The following RBMS3 variants were observed in gnomAD, a reference collection of about 807,000 sequenced individuals.
RBMS3 encodes RNA-binding motif, single-stranded-interacting protein 3.
In RBMS3, 27 loss-of-function variants were observed where a neutral mutation model predicts 66.8. The ratio of observed to expected loss-of-function variants is 0.40; its 90% CI spans 0.30 to 0.56. The LOEUF is 0.56. Ranked by LOEUF, RBMS3 falls within the 20% of genes least tolerant of loss-of-function variation. RBMS3 has a pLI of 0.40. For synonymous variants in RBMS3, 188 were observed against 183.0 expected, an observed-to-expected ratio of 1.03 and a Z score of -0.22; for missense variants, 513 against 549.5, an observed-to-expected ratio of 0.93 and a Z score of 0.66.
chr3:29,293,651 G>A (rs144836819), intron 1 of RBMS3, among the ~76,000 whole-genome samples: 17 of 151,702 alleles, frequency 1.1e-4, no homozygotes, highest in African/African-American at 4.1e-4. Context: ...ATGCAACCTT[G>A]CTTTAACATT....
chr3:29,604,813 T>C (rs1160685091), intron 4 of RBMS3, among the ~76,000 whole-genome samples: 1 of 151,964 alleles, frequency 6.6e-6, no homozygotes. Context: ...TTAGTGATCA[T>C]TAGTTTTCCT....
chr3:29,990,065 T>TTGAACCAGTGATTA (rs1698727510), intron 13 of RBMS3, among the ~76,000 whole-genome samples: 2 of 152,158 alleles, frequency 1.3e-5, no homozygotes, highest in South Asian at 4.1e-4. Flanking sequence ...ATATATTGCC[T>TTGAACCAGTGATTA]TGAACCAGTG....
intron 1 of RBMS3, among the ~76,000 whole-genome samples, chr3:29,292,981 G>A (rs2032944861): frequency 6.6e-6 from 1 of 151,814 alleles, no homozygotes; most frequent in Non-Finnish European, 1.5e-5. Context: ...TGGTCTCTTA[G>A]GAAGAAAATT....
At position 29,728,970 on chromosome 3, in the gene RBMS3, T is replaced by C. The variant is rs554295217; in HGVS notation, c.400-10750T>C. On this transcript the variant is annotated intron_variant, in intron 4 of 14. Transcript: ENST00000383767. ...GTATCAAAGTTGTGGCTTTTCACTTTATGTGTTAAATATATATATATATTT... is the reference window on the plus strand; with the variant it reads ...GTATCAAAGTTGTGGCTTTTCACTTCATGTGTTAAATATATATATATATTT... Among the ~76,000 whole-genome samples the C allele has an allele frequency of 4.1e-4, 62 of 152,184 alleles. No individual in the cohort carries two copies. The East Asian group carries it at 0.01, about 25-fold the overall frequency.
intron 6 of RBMS3, among the ~76,000 whole-genome samples, chr3:29,864,970 A>AAGGG (rs540883373): frequency 1.0e-5 from 1 of 96,476 alleles, no homozygotes; most frequent in Non-Finnish European, 1.9e-5. Flanking sequence ...GAAAGGAAGG[A>AAGGG]AGGGAGGGAG....
At chr3:29,432,208 T>A (rs1356973845) in intron 1 of RBMS3, among the ~76,000 whole-genome samples, 2 of 152,202 alleles carry the variant, frequency 1.3e-5, no homozygotes, top group Non-Finnish European at 2.9e-5. Flanking sequence ...TTTTGGTGGC[T>A]GACTGTATTC....
chr3:29,397,249 G>C (rs952615307), intron 1 of RBMS3, among the ~76,000 whole-genome samples: 1 of 152,094 alleles, frequency 6.6e-6, no homozygotes, highest in Non-Finnish European at 1.5e-5. Flanking sequence ...TATTCATTGA[G>C]CTTCTGGATA....
intron 2 of RBMS3, among the ~76,000 whole-genome samples, chr3:29,461,494 T>C (rs2042367913): frequency 1.3e-5 from 2 of 152,340 alleles, no homozygotes. Context: ...GTTTACAAAC[T>C]GTTAACAATT....
At chr3:29,288,395 G>A (rs952032725) in intron 1 of RBMS3, among the ~76,000 whole-genome samples, 3 of 151,956 alleles carry the variant, frequency 2.0e-5, no homozygotes, top group Non-Finnish European at 2.9e-5. Flanking sequence ...AGAGAAACAC[G>A]TCCATCACTT....
Position 29,281,406 on chromosome 3 carries a change from T to C in RBMS3, c.-276T>C, listed in dbSNP as rs2031760458. 4.1e-6 allele frequency: 2 copies of C among 487,192 alleles called. No homozygotes were observed. Among genetic ancestry groups the C allele is most frequent in the Non-Finnish European group, 7.2e-6 (2 of 277,714 alleles). 30.2% of individuals were successfully genotyped at this position (487,192 alleles called of 1,614,324 possible). On this transcript the variant is annotated 5_prime_UTR_variant, in exon 1 of 15. Transcript: ENST00000383767. ...CTCATCCCAAGTGGACCCCGGCAGCTGGGGGAAGCCAGGCAAGATCTGGGA... is the reference window on the plus strand; with the variant it reads ...CTCATCCCAAGTGGACCCCGGCAGCCGGGGGAAGCCAGGCAAGATCTGGGA...
intron 1 of RBMS3, among the ~76,000 whole-genome samples, chr3:29,376,660 C>T (rs1161377638): frequency 6.6e-6 from 1 of 152,178 alleles, no homozygotes; most frequent in African/African-American, 2.4e-5. Context: ...GTAATCCCAG[C>T]ACTTTGGGAG....
In RBMS3 at chr3:29,715,621, G is replaced by A. The variant is rs2053361451; in HGVS notation, c.400-24099G>A. ...TGGAGAACTCCCTTGTATGTTCAAT[G>A]TGAAACCACCTTGATCTCCTTTGCC... On this transcript the variant is annotated intron_variant, in intron 4 of 14. Coordinates refer to ENST00000383767, the MANE Select transcript of RBMS3 (RefSeq NM_001003793.3). Among the ~76,000 whole-genome samples the A allele has an allele frequency of 2.6e-5, 4 of 152,194 alleles. No homozygotes were observed. In the South Asian group the frequency reaches 8.3e-4, roughly 32 times the overall value.
chr3:29,567,284 A>G (rs1367885307), intron 3 of RBMS3, among the ~76,000 whole-genome samples: 1 of 152,202 alleles, frequency 6.6e-6, no homozygotes. Context: ...ATGAGCAGGA[A>G]AAGAAATTGA....
intron 1 of RBMS3, among the ~76,000 whole-genome samples, chr3:29,333,433 TA>T (rs2035777884): frequency 6.6e-6 from 1 of 152,110 alleles, no homozygotes; most frequent in African/African-American, 2.4e-5. Context: ...TGGGGCTTGA[TA>T]AAAAGTATAA....
At chr3:29,581,386 A>C (rs1379530) in intron 3 of RBMS3, among the ~76,000 whole-genome samples, 51,165 of 151,946 alleles carry the variant, frequency 0.34, 10,256 homozygotes, top group African/African-American at 0.54. Flanking sequence ...CAGTAGAAAT[A>C]CAGCAGAAAT....
rs2059110807 is a variant in RBMS3, at chr3:29,857,546, C to G, written c.638-11312C>G. ...ATTTACTTGTGGAAATGTGGGGACT[C>G]TATGCTTTTTTTGTTAAAAAAAAAA... On this transcript the variant is annotated intron_variant, in intron 6 of 14. Coordinates refer to ENST00000383767, the MANE Select transcript of RBMS3 (RefSeq NM_001003793.3). Among the ~76,000 whole-genome samples, 8 of 132,672 alleles carry G rather than the reference C, an allele frequency of 6.0e-5. No homozygotes were observed. In the Middle Eastern group the frequency reaches 0.011, roughly 190 times the overall value. The allele number at this position is 132,672 out of a possible 152,430, so 87.0% of individuals were successfully genotyped here. A position where few individuals can be genotyped will look rare whatever the true frequency, so the allele number is the denominator to read the frequency against.
chr3:29,597,755 C>T lies in RBMS3; in HGVS notation c.399+10550C>T, dbSNP rs182355804. Reference sequence around the variant, plus strand: ...TGAAATGGATTTTTTTTTCACTTTTCTGTGAAAGGACATTAGCAATATCAT... The same window carrying T: ...TGAAATGGATTTTTTTTTCACTTTTTTGTGAAAGGACATTAGCAATATCAT... On this transcript the variant is annotated intron_variant, in intron 4 of 14. Transcript: ENST00000383767. Among the ~76,000 whole-genome samples the T allele has an allele frequency of 6.4e-4, 96 of 151,094 alleles. No homozygotes were observed. The Middle Eastern group carries it at 0.014, about 21-fold the overall frequency.
At chr3:29,886,015 G>A (rs1577069480) in intron 8 of RBMS3, among the ~76,000 whole-genome samples, 1 of 151,718 alleles carries the variant, frequency 6.6e-6, no homozygotes, top group East Asian at 1.9e-4. Flanking sequence ...ATTGTGTTTA[G>A]CATTTTTAAT....
intron 10 of RBMS3, among the ~76,000 whole-genome samples, chr3:29,903,687 T>C (rs2060307866): frequency 6.6e-6 from 1 of 151,972 alleles, no homozygotes; most frequent in Non-Finnish European, 1.5e-5. Flanking sequence ...ATTTGAAGCA[T>C]AAATCTTCTG....
Sources: gnomAD v4.1 joint callset for allele counts (sites outside exome capture counted in the v4.1 genomes callset) on GRCh38, gnomAD v4.1.1 for gene constraint, MANE v1.5 for transcripts, NCBI Gene and HGNC (gene_info 2026-07-23, HGNC 2026-07-21) for gene names.